The following SLC25A21 variants were observed in gnomAD, a reference collection of about 807,000 sequenced individuals.
The protein encoded by SLC25A21 is mitochondrial 2-oxodicarboxylate carrier.
SLC25A21 carries 47 observed loss-of-function variants against 43.8 expected under a neutral mutation model. The ratio of observed to expected loss-of-function variants is 1.07; its 90% CI spans 0.85 to 1.37. The LOEUF (loss-of-function observed/expected upper bound fraction) is 1.37, where lower values mean the gene tolerates loss of function less well. Ranked by LOEUF, SLC25A21 falls within the 40% of genes most tolerant of loss-of-function variation. The pLI, the probability that SLC25A21 is intolerant of heterozygous loss-of-function variation, is 0.00. For missense variants in SLC25A21, 352 were observed against 350.2 expected (o/e 1.00, Z -0.04); for synonymous variants, 131 against 121.3 (o/e 1.08, Z -0.52).
intron 2 of SLC25A21, among the ~76,000 whole-genome samples, chr14:36,856,594 C>A (rs1339204123): frequency 2.0e-5 from 3 of 152,198 alleles, no homozygotes; most frequent in African/African-American, 7.2e-5. Flanking sequence ...AAGGGGGCCA[C>A]TGGCATCACC....
chr14:36,797,344 GC>G (rs1319251870), intron 3 of SLC25A21, among the ~76,000 whole-genome samples: 1 of 152,088 alleles, frequency 6.6e-6, no homozygotes, highest in East Asian at 1.9e-4. Context: ...TTGATATGTG[GC>G]TGAAGGCAAA....
chr14:36,994,297 C>T (rs1960325786), intron 1 of SLC25A21, among the ~76,000 whole-genome samples: 1 of 152,064 alleles, frequency 6.6e-6, no homozygotes, highest in Non-Finnish European at 1.5e-5. Flanking sequence ...TTTGTTTATT[C>T]CCTTCGGGAA....
chr14:36,720,701 A>G (rs1884338414), intron 6 of SLC25A21, among the ~76,000 whole-genome samples: 2 of 152,258 alleles, frequency 1.3e-5, no homozygotes. Context: ...GCTATTCCAG[A>G]GGAAGAAATC....
chr14:36,798,563 TTTTA>T (rs933392780), intron 3 of SLC25A21, among the ~76,000 whole-genome samples: 1 of 127,664 alleles, frequency 7.8e-6, no homozygotes, highest in African/African-American at 2.7e-5. Flanking sequence ...GGTTTTTTTT[TTTTA>T]ATGTAACTGG....
chr14:36,818,560 G>C (rs1888528940), intron 2 of SLC25A21, among the ~76,000 whole-genome samples: 1 of 152,178 alleles, frequency 6.6e-6, no homozygotes, highest in Non-Finnish European at 1.5e-5. Flanking sequence ...CACAGGCTAA[G>C]GCAAGAACAG....
intron 1 of SLC25A21, among the ~76,000 whole-genome samples, chr14:37,005,792 C>T (rs891178736): frequency 4.6e-5 from 7 of 152,092 alleles, no homozygotes; most frequent in African/African-American, 1.4e-4. Context: ...ATGGAAAGAA[C>T]TATAACATAA....
At chr14:37,013,674 C>A (rs537191198) in intron 1 of SLC25A21, among the ~76,000 whole-genome samples, 13 of 152,226 alleles carry the variant, frequency 8.5e-5, no homozygotes, top group South Asian at 2.1e-4. Flanking sequence ...CCCCTCACCC[C>A]CCTCACCACT....
intron 1 of SLC25A21, among the ~76,000 whole-genome samples, chr14:37,046,508 T>A (rs1251251956): frequency 6.6e-6 from 1 of 152,192 alleles, no homozygotes; most frequent in African/African-American, 2.4e-5. Context: ...TAAAAATTGA[T>A]TTGATTTGGA....
chr14:37,031,253 T>C (rs895603313), intron 1 of SLC25A21, among the ~76,000 whole-genome samples: 14 of 152,224 alleles, frequency 9.2e-5, no homozygotes, highest in Non-Finnish European at 1.9e-4. Flanking sequence ...TCACACAGTT[T>C]ACACCCTTGC....
At chr14:36,924,824 T>C (rs1892085543) in intron 1 of SLC25A21, among the ~76,000 whole-genome samples, 1 of 152,170 alleles carries the variant, frequency 6.6e-6, no homozygotes, top group Non-Finnish European at 1.5e-5. Context: ...ATAAGTAATC[T>C]AGGGATGGTT....
chr14:36,727,935 C>T (rs1884666786), intron 5 of SLC25A21, among the ~76,000 whole-genome samples: 2 of 152,054 alleles, frequency 1.3e-5, no homozygotes, highest in South Asian at 4.1e-4. Context: ...TCCAGATGTC[C>T]AGGTTTTTAT....
intron 1 of SLC25A21, among the ~76,000 whole-genome samples, chr14:36,939,895 A>T (rs1892514329): frequency 6.6e-6 from 1 of 152,122 alleles, no homozygotes; most frequent in South Asian, 2.1e-4. Flanking sequence ...AAATAAGAAG[A>T]TCTGGTTTCT....
chr14:37,033,001 C>G (rs1247543366), intron 1 of SLC25A21, among the ~76,000 whole-genome samples: 1 of 152,076 alleles, frequency 6.6e-6, no homozygotes, highest in Non-Finnish European at 1.5e-5. Context: ...ATGAAATTTA[C>G]CAACTTAACC....
At chr14:36,699,884 C>T (rs191357910) in intron 7 of SLC25A21, among the ~76,000 whole-genome samples, 11 of 152,314 alleles carry the variant, frequency 7.2e-5, no homozygotes, top group Admixed American at 7.2e-4. Flanking sequence ...AGGGAAATCT[C>T]CCAACCCCTT....
chr14:37,152,068 A>C (rs967707466), intron 1 of SLC25A21, among the ~76,000 whole-genome samples: 1 of 152,174 alleles, frequency 6.6e-6, no homozygotes, highest in African/African-American at 2.4e-5. Flanking sequence ...TTATTTAAGC[A>C]AAGTAAGATG....
chr14:37,113,417 C>A (rs898779989), intron 1 of SLC25A21, among the ~76,000 whole-genome samples: 2 of 152,128 alleles, frequency 1.3e-5, no homozygotes, highest in African/African-American at 4.8e-5. Context: ...TGTACACAAA[C>A]TGGACAAATA....
At chr14:37,060,391 ATAAT>A (rs1961920484) in intron 1 of SLC25A21, among the ~76,000 whole-genome samples, 1 of 143,966 alleles carries the variant, frequency 6.9e-6, no homozygotes, top group African/African-American at 2.6e-5. Flanking sequence ...AATAATAATA[ATAAT>A]AATAATAATA....
chr14:37,063,806 A>G (rs1011149420), intron 1 of SLC25A21, among the ~76,000 whole-genome samples: 2 of 152,176 alleles, frequency 1.3e-5, no homozygotes, highest in African/African-American at 4.8e-5. Context: ...CCTTGCCCTA[A>G]GGAGCAGCCC....
chr14:36,719,482 G>C (rs1242290330), intron 6 of SLC25A21, among the ~76,000 whole-genome samples: 2 of 152,162 alleles, frequency 1.3e-5, no homozygotes, highest in Non-Finnish European at 2.9e-5. Context: ...TTTACACCCA[G>C]TGAACCAAAC....
Sources: gnomAD v4.1 joint callset for allele counts (sites outside exome capture counted in the v4.1 genomes callset) on GRCh38, gnomAD v4.1.1 for gene constraint, MANE v1.5 for transcripts, NCBI Gene and HGNC (gene_info 2026-07-23, HGNC 2026-07-21) for gene names.